The following GHR variants were observed in gnomAD, a reference collection of about 807,000 sequenced individuals.
The protein encoded by GHR is GH receptor.
GHR carries 35 observed loss-of-function variants against 67.1 expected under a neutral mutation model. That is an observed-to-expected ratio of 0.52 (90% CI 0.40 to 0.69). GHR has a LOEUF of 0.69. Ranked by LOEUF, GHR falls within the 30% of genes least tolerant of loss-of-function variation. GHR has a pLI of 0.00. For synonymous variants in GHR, 272 were observed against 269.1 expected (o/e 1.01, Z -0.10); for missense variants, 792 against 764.6 (o/e 1.04, Z -0.42).
At chr5:42,600,918 C>CTTTCTTTTTTT (rs1752342904) in intron 2 of GHR, among the ~76,000 whole-genome samples, 1 of 66,666 alleles carries the variant, frequency 1.5e-5, no homozygotes, top group Non-Finnish European at 2.6e-5. Flanking sequence ...TCTTTCTATT[C>CTTTCTTTTTTT]TTTTTTTTTT....
At chr5:42,624,749 A>G (rs1412797203) in intron 2 of GHR, among the ~76,000 whole-genome samples, 1 of 152,212 alleles carries the variant, frequency 6.6e-6, no homozygotes, top group Non-Finnish European at 1.5e-5. Flanking sequence ...CTGAACCTTG[A>G]CCAAAGGTCC....
chr5:42,581,495 G>A (rs1476715441), intron 2 of GHR, among the ~76,000 whole-genome samples: 1 of 152,228 alleles, frequency 6.6e-6, no homozygotes, highest in African/African-American at 2.4e-5. Flanking sequence ...GTTGCATTAA[G>A]CATATATTAT....
At chr5:42,688,092 G>T (rs78013153) in intron 3 of GHR, among the ~76,000 whole-genome samples, 11,694 of 152,254 alleles carry the variant, frequency 0.077, 519 homozygotes, top group Middle Eastern at 0.14. Flanking sequence ...TCTATTTAAT[G>T]AGTTTACTGG....
chr5:42,501,456 A>G (rs564055829), intron 1 of GHR, among the ~76,000 whole-genome samples: 10 of 152,144 alleles, frequency 6.6e-5, no homozygotes, highest in South Asian at 2.1e-4. Context: ...CTAAACTTCT[A>G]TTCTTATTTG....
In GHR at chr5:42,719,136, C is replaced by T. The variant is rs1561256656; in HGVS notation, c.1629C>T (p.Cys543=). 1 of 1,614,054 alleles carries T rather than the reference C, an allele frequency of 6.2e-7. No individual in the cohort carries two copies. Among genetic ancestry groups the T allele is most frequent in the African/African-American group, 1.3e-5 (1 of 75,054 alleles). ...AYFCEADAKK[C]IPVAPHIKVE... ...TCTGTGAGGCAGATGCCAAAAAGTG[C>T]ATCCCTGTGGCTCCTCACATCAAGG... The change falls in exon 10 of 10, where the codon TGC becomes TGT. Residue 543 remains cysteine, a synonymous_variant. Coordinates refer to ENST00000230882, the MANE Select transcript of GHR (RefSeq NM_000163.5).
intron 1 of GHR, among the ~76,000 whole-genome samples, chr5:42,553,457 T>G (rs377683485): frequency 3.1e-4 from 47 of 152,162 alleles, no homozygotes; most frequent in African/African-American, 1.1e-3. Flanking sequence ...ATGTACCCCC[T>G]TCCAGCAACA....
In GHR at chr5:42,424,327, G is replaced by C; in HGVS notation, c.-12+372G>C. On this transcript the variant is annotated intron_variant, in intron 1 of 9. Transcript: ENST00000230882. The surrounding 1 kb of genome is among the most constrained non-coding windows in gnomAD (Gnocchi z 4.1). ...TGTACGTGGAGGGGTTTACTCCGGA[G>C]ACAGTTTTGTTAAAGTCATAAAAGT... The C allele has an allele frequency of 1.8e-6, 1 of 565,968 alleles. No homozygotes were observed. Among genetic ancestry groups the C allele is most frequent in the Non-Finnish European group, 3.2e-6 (1 of 315,234 alleles). 35.1% of individuals were successfully genotyped at this position (565,968 alleles called of 1,614,324 possible). A position where few individuals can be genotyped will look rare whatever the true frequency, so the allele number is the denominator to read the frequency against.
intron 3 of GHR, among the ~76,000 whole-genome samples, chr5:42,668,729 T>G (rs2112893225): frequency 6.6e-6 from 1 of 152,352 alleles, no homozygotes; most frequent in East Asian, 1.9e-4. Flanking sequence ...TTTATCTTTG[T>G]ATTTGTCATC....
rs1345733480 is a variant in GHR at position 42,718,130 on chromosome 5, T to C, written c.945+9T>C. On this transcript the variant is annotated intron_variant, in intron 9 of 9. Transcript: ENST00000230882. ...ATCCAGATCTCCTCAAGGTAACTAA[T>C]AATTTTATCTAAATTGTAGCTAGTA... 7.4e-7 allele frequency: 1 copy of C among 1,346,856 alleles called. No homozygotes were observed. The highest frequency in any genetic ancestry group is 1.2e-5 in the South Asian group (1 of 85,804). The allele number at this position is 1,346,856 out of a possible 1,614,324, so 83.4% of individuals were successfully genotyped here.
chr5:42,506,417 A>G (rs560118176), intron 1 of GHR, among the ~76,000 whole-genome samples: 6 of 152,292 alleles, frequency 3.9e-5, no homozygotes, highest in Non-Finnish European at 8.8e-5. Flanking sequence ...ACAAAAGCAA[A>G]TTCAGGACTT....
intron 2 of GHR, among the ~76,000 whole-genome samples, chr5:42,614,925 T>C (rs999711861): frequency 1.3e-5 from 2 of 151,948 alleles, no homozygotes; most frequent in South Asian, 2.1e-4. Flanking sequence ...AAAAAGACTA[T>C]GAAAGATTTT....
At chr5:42,505,014 G>A (rs964176037) in intron 1 of GHR, among the ~76,000 whole-genome samples, 3 of 152,060 alleles carry the variant, frequency 2.0e-5, no homozygotes, top group Non-Finnish European at 4.4e-5. Context: ...ATGTACCAGT[G>A]GAAAGTGGCT....
In GHR at chr5:42,583,878, G is replaced by GATATATATATAT. The variant is rs138386131; in HGVS notation, c.70+17942_70+17953dup. Among the ~76,000 whole-genome samples, 43 of 138,974 alleles carry GATATATATATAT rather than the reference G, an allele frequency of 3.1e-4. No individual in the cohort carries two copies. The South Asian group carries it at 7.9e-3, about 25-fold the overall frequency. 91.2% of individuals were successfully genotyped at this position (138,974 alleles called of 152,430 possible). A position where few individuals can be genotyped will look rare whatever the true frequency, so the allele number is the denominator to read the frequency against. ...AAAGATATATATATCTTTAAATAAA[G>GATATATATATAT]ATATATATATATATATATAAATTCT... On this transcript the variant is annotated intron_variant, in intron 2 of 9. Transcript: ENST00000230882.
intron 1 of GHR, among the ~76,000 whole-genome samples, chr5:42,495,369 C>G (rs910971602): frequency 6.6e-6 from 1 of 151,998 alleles, no homozygotes; most frequent in Admixed American, 6.6e-5. Flanking sequence ...GTCTCCATCC[C>G]CTCAGTGATT....
chr5:42,584,901 C>T (rs1323041116), intron 2 of GHR, among the ~76,000 whole-genome samples: 2 of 152,266 alleles, frequency 1.3e-5, no homozygotes, highest in Middle Eastern at 3.4e-3. Flanking sequence ...CAGTCTCAGA[C>T]ATACCCTTCA....
intron 4 of GHR, among the ~76,000 whole-genome samples, chr5:42,691,915 C>G (rs998604859): frequency 2.6e-5 from 4 of 152,228 alleles, no homozygotes; most frequent in African/African-American, 9.6e-5. Context: ...TAAAAAGAGG[C>G]TCTGGGAAGC....
chr5:42,551,924 C>T (rs1749054072), intron 1 of GHR, among the ~76,000 whole-genome samples: 1 of 152,178 alleles, frequency 6.6e-6, no homozygotes, highest in Admixed American at 6.5e-5. Context: ...ATATAGCTTT[C>T]CAATGAGGGG....
chr5:42,614,096 C>T (rs191716838), intron 2 of GHR, among the ~76,000 whole-genome samples: 23 of 152,188 alleles, frequency 1.5e-4, no homozygotes, highest in Non-Finnish European at 2.6e-4. Context: ...GCTCAGAAGT[C>T]CCTCCATACA....
At chr5:42,501,730 A>G (rs953407315) in intron 1 of GHR, among the ~76,000 whole-genome samples, 1 of 152,202 alleles carries the variant, frequency 6.6e-6, no homozygotes, top group African/African-American at 2.4e-5. Flanking sequence ...CTGGTGAGAA[A>G]CACTACTCTA....
Sources: allele counts gnomAD v4.1 joint callset (sites outside exome capture counted in the v4.1 genomes callset), GRCh38; gene constraint gnomAD v4.1.1; non-coding constraint Gnocchi (gnomAD v3.1); transcripts MANE v1.5; gene names NCBI Gene and HGNC (gene_info 2026-07-23, HGNC 2026-07-21).